Variants in INSR observed in about 807,000 individuals in gnomAD.
The protein encoded by INSR is IR.
INSR carries 67 observed loss-of-function variants against 142.6 expected under a neutral mutation model. The ratio of observed to expected loss-of-function variants is 0.47; its 90% confidence interval spans 0.39 to 0.58. The LOEUF is 0.58. INSR is among the 20% of genes least tolerant of loss of function. The probability of loss-of-function intolerance (pLI) is 0.00; values close to 1 mark genes in which losing one functional copy is unlikely to be tolerated. For synonymous variants in INSR, 756 were observed against 743.1 expected, an observed-to-expected ratio of 1.02 and a Z score of -0.28; for missense variants, 1,248 against 1,833.2, an observed-to-expected ratio of 0.68 and a Z score of 5.83.
chr19:7,188,917 G>C (rs1018801756), intron 2 of INSR, among the ~76,000 whole-genome samples: 12 of 148,906 alleles, frequency 8.1e-5, no homozygotes, highest in African/African-American at 2.7e-4. Context: ...GTTAATAAGA[G>C]TCCCTTCCTT....
intron 9 of INSR, among the ~76,000 whole-genome samples, chr19:7,158,860 G>C (rs1331236797): frequency 6.6e-6 from 1 of 152,082 alleles, no homozygotes; most frequent in African/African-American, 2.4e-5. Context: ...TGAAATTGTG[G>C]AAAAATAAGC....
intron 2 of INSR, among the ~76,000 whole-genome samples, chr19:7,221,606 G>A (rs145256101): frequency 1.3e-3 from 197 of 152,010 alleles, no homozygotes; most frequent in Middle Eastern, 3.4e-3. Context: ...TACTTGGGAC[G>A]CTGAGGCAGG....
chr19:7,219,487 A>AAGGAAGGAGGGAGGGGG (rs1445884167), intron 2 of INSR, among the ~76,000 whole-genome samples: 1 of 118,156 alleles, frequency 8.5e-6, no homozygotes, highest in Non-Finnish European at 1.7e-5. Context: ...GAGGGAGGGA[A>AAGGAAGGAGGGAGGGGG]GGAAGGAAGG....
chr19:7,235,028 A>AGAC (rs1192431754), intron 2 of INSR, among the ~76,000 whole-genome samples: 1 of 152,012 alleles, frequency 6.6e-6, no homozygotes, highest in Non-Finnish European at 1.5e-5. Flanking sequence ...ACTGCACTCC[A>AGAC]GACTGGGCGA....
chr19:7,153,332 C>CA (rs1973479512), intron 9 of INSR, among the ~76,000 whole-genome samples: 7 of 5,898 alleles, frequency 1.2e-3, no homozygotes, highest in East Asian at 4.5e-3. Flanking sequence ...CCACACACAC[C>CA]CACGCCACAC....
At chr19:7,220,002 C>G (rs62112763) in intron 2 of INSR, among the ~76,000 whole-genome samples, 51,646 of 152,024 alleles carry the variant, frequency 0.34, 10,298 homozygotes, top group Non-Finnish European at 0.44. Flanking sequence ...CTGAACCAAT[C>G]ATGGAGGCTG....
rs2144940779 is a variant in INSR, at chr19:7,166,890, G to C, written c.1611-486C>G. On this transcript the variant is annotated intron_variant, in intron 7 of 21. Transcript: ENST00000302850. This position sits in a 1 kb window ranked among gnomAD's most constrained non-coding sequence, Gnocchi z 4.1. ...GCTGAGATCGCACCACTGCACTCCAGCCTGGGCGACAAAGGGAGACTCTGT... is the reference window on the plus strand; with the variant it reads ...GCTGAGATCGCACCACTGCACTCCACCCTGGGCGACAAAGGGAGACTCTGT... Among the ~76,000 whole-genome samples the C allele has an allele frequency of 6.6e-6, 1 of 152,096 alleles. No individual in the cohort carries two copies. The highest frequency in any genetic ancestry group is 1.9e-4 in the East Asian group (1 of 5,188).
chr19:7,197,137 G>C (rs1002446721), intron 2 of INSR, among the ~76,000 whole-genome samples: 2 of 152,250 alleles, frequency 1.3e-5, no homozygotes, highest in African/African-American at 2.4e-5. Flanking sequence ...AGGAGCGCGT[G>C]TCCTTGAAGC....
intron 2 of INSR, among the ~76,000 whole-genome samples, chr19:7,200,019 G>A (rs777233680): frequency 2.0e-5 from 3 of 152,114 alleles, no homozygotes; most frequent in Non-Finnish European, 4.4e-5. Flanking sequence ...AATCACTCGG[G>A]CTATGTTCAG....
chr19:7,275,643 T>G (rs1197495692), intron 1 of INSR, among the ~76,000 whole-genome samples: 1 of 150,344 alleles, frequency 6.7e-6, no homozygotes, highest in African/African-American at 2.5e-5. Context: ...CTTAGCGGGG[T>G]CGGGGGAGTG....
At chr19:7,212,424 ATG>A (rs1431873353) in intron 2 of INSR, among the ~76,000 whole-genome samples, 1 of 152,062 alleles carries the variant, frequency 6.6e-6, no homozygotes, top group Non-Finnish European at 1.5e-5. Context: ...TAGCAGACAC[ATG>A]TTGAATCGAA....
chr19:7,220,804 A>G (rs537174304), intron 2 of INSR, among the ~76,000 whole-genome samples: 6 of 152,324 alleles, frequency 3.9e-5, no homozygotes, highest in Middle Eastern at 3.4e-3. Flanking sequence ...TACTGGTAAC[A>G]TAATAGTATG....
At chr19:7,215,729 G>A (rs4804099) in intron 2 of INSR, among the ~76,000 whole-genome samples, 138,071 of 151,568 alleles carry the variant, frequency 0.91, 62,927 homozygotes, top group South Asian at 0.96. Context: ...CACCACGCCT[G>A]GCTAATTTTT....
intron 2 of INSR, among the ~76,000 whole-genome samples, chr19:7,220,245 T>A (rs969483639): frequency 6.6e-6 from 1 of 152,232 alleles, no homozygotes; most frequent in African/African-American, 2.4e-5. Flanking sequence ...AGTAATCTTG[T>A]GTTTGCCTCC....
At chr19:7,279,916 T>C (rs1217239656) in intron 1 of INSR, among the ~76,000 whole-genome samples, 1 of 150,756 alleles carries the variant, frequency 6.6e-6, no homozygotes, top group African/African-American at 2.4e-5. Flanking sequence ...TGCGGAGGCC[T>C]GACATCACAC....
rs1411048837 is a variant in INSR, at chr19:7,163,948, A to AAAAAAAAAAAAAT, written c.1862-750_1862-749insATTTTTTTTTTTT. ...ACTAAAAAAAAAAAAAAAAAAAAAA[A>AAAAAAAAAAAAAT]ATTAGCTGGACATGGTGGTGGGCGC... On this transcript the variant is annotated intron_variant, in intron 8 of 21. Transcript: ENST00000302850. Among the ~76,000 whole-genome samples the AAAAAAAAAAAAAT allele has an allele frequency of 5.3e-3, 713 of 135,650 alleles. 19 individuals carry two copies. The highest frequency in any genetic ancestry group is 7.5e-3 in the African/African-American group (236 of 31,544). 89.0% of individuals were successfully genotyped at this position (135,650 alleles called of 152,430 possible). A position where few individuals can be genotyped will look rare whatever the true frequency, so the allele number is the denominator to read the frequency against.
chr19:7,165,927 GC>G (rs1167542147), intron 8 of INSR, among the ~76,000 whole-genome samples: 1 of 151,268 alleles, frequency 6.6e-6, no homozygotes, highest in Non-Finnish European at 1.5e-5. Context: ...TACTTAGGAG[GC>G]TGAGGCAGAA....
At chr19:7,220,834 C>G (rs987825133) in intron 2 of INSR, among the ~76,000 whole-genome samples, 1 of 152,150 alleles carries the variant, frequency 6.6e-6, no homozygotes, top group Non-Finnish European at 1.5e-5. Context: ...TTTGTCCCCT[C>G]CAAAACTCAT....
At chr19:7,265,594 G>A (rs1967697882) in intron 2 of INSR, among the ~76,000 whole-genome samples, 2 of 152,026 alleles carry the variant, frequency 1.3e-5, no homozygotes, top group Non-Finnish European at 2.9e-5. Context: ...AATTAGCTGG[G>A]CTTGGTGGTG....
Sources: allele counts gnomAD v4.1 joint callset (sites outside exome capture counted in the v4.1 genomes callset), GRCh38; gene constraint gnomAD v4.1.1; non-coding constraint Gnocchi (gnomAD v3.1); transcripts MANE v1.5; gene names NCBI Gene and HGNC (gene_info 2026-07-23, HGNC 2026-07-21).